Variants in MCUB observed in about 807,000 individuals in gnomAD.
MCUB encodes mitochondrial calcium uniporter dominant negative subunit beta.
Under a neutral mutation model 41.4 loss-of-function variants are expected in MCUB, and 46 were observed. The ratio of observed to expected loss-of-function variants is 1.11; its 90% CI spans 0.88 to 1.42. The LOEUF (loss-of-function observed/expected upper bound fraction) is 1.42, where lower values mean the gene tolerates loss of function less well. Among genes scored for constraint, MCUB ranks in the 40% most tolerant of loss-of-function variants. The pLI is 0.00. For synonymous variants in MCUB, 148 were observed against 148.2 expected (o/e 1.00, Z 0.01); for missense variants, 403 against 404.9 (o/e 1.00, Z 0.04).
chr4:109,659,357 C>T (rs533727067), intron 2 of MCUB, among the ~76,000 whole-genome samples: 109 of 152,122 alleles, frequency 7.2e-4, no homozygotes, highest in Non-Finnish European at 1.4e-3. Context: ...TGGGAAGCCA[C>T]GGCAGGCGGA....
chr4:109,645,468 C>A (rs1031418013), intron 1 of MCUB, among the ~76,000 whole-genome samples: 1 of 151,068 alleles, frequency 6.6e-6, no homozygotes, highest in Non-Finnish European at 1.5e-5. Context: ...AGTCAAATTA[C>A]TTCTAGATTT....
intron 1 of MCUB, among the ~76,000 whole-genome samples, chr4:109,644,170 T>C (rs1002511137): frequency 5.9e-5 from 9 of 152,228 alleles, no homozygotes; most frequent in African/African-American, 2.2e-4. Context: ...TAGTATAGTA[T>C]GTGTATAGTT....
intron 3 of MCUB, among the ~76,000 whole-genome samples, chr4:109,662,362 G>T (rs1005162718): frequency 6.6e-6 from 1 of 152,232 alleles, no homozygotes; most frequent in African/African-American, 2.4e-5. Context: ...AAACCTGGAA[G>T]TCAGAAGGGC....
chr4:109,687,389 G>A, intron 7 of MCUB, 126 bp from the exon 8 acceptor site: 1 of 624,676 alleles, frequency 1.6e-6, no homozygotes, highest in Non-Finnish European at 2.8e-6. Flanking sequence ...TCAGCCATTT[G>A]CCACTAATAG....
intron 4 of MCUB, 55 bp downstream of exon 4, chr4:109,664,449 C>G (rs1222849537): frequency 1.0e-5 from 7 of 668,674 alleles, no homozygotes; most frequent in Admixed American, 2.7e-5. Context: ...TAGATGAATT[C>G]TCACTTGCTC....
chr4:109,568,748 T>C (rs1464170831), intron 1 of MCUB, among the ~76,000 whole-genome samples: 2 of 152,232 alleles, frequency 1.3e-5, no homozygotes, highest in Non-Finnish European at 2.9e-5. Context: ...CTTTCCCACC[T>C]GGATTCTCAG....
intron 1 of MCUB, among the ~76,000 whole-genome samples, chr4:109,637,052 C>T (rs1280173868): frequency 6.6e-6 from 1 of 152,142 alleles, no homozygotes; most frequent in East Asian, 1.9e-4. Flanking sequence ...ATGTCACCAA[C>T]TTGTTCAAGT....
At chr4:109,685,863 C>CT (rs1198787370) in intron 7 of MCUB, among the ~76,000 whole-genome samples, 2 of 152,304 alleles carry the variant, frequency 1.3e-5, no homozygotes, top group South Asian at 2.1e-4. Context: ...TTCTTAAGTA[C>CT]TTTTTCACAG....
intron 1 of MCUB, among the ~76,000 whole-genome samples, chr4:109,567,891 G>T (rs1314763868): frequency 6.6e-6 from 1 of 152,002 alleles, no homozygotes; most frequent in Non-Finnish European, 1.5e-5. Flanking sequence ...TAGAGACAGG[G>T]TTTCACTATA....
At position 109,664,307 on chromosome 4, in the gene MCUB, G is replaced by C; in HGVS notation, c.364G>C (p.Ala122Pro). The part of the protein sequence containing the change: ...IFTADGNMIS[A>P]STLMDILLMN... ...TCTTTCAGATGGCAACATGATTTCA[G>C]CTTCTACCTTGATGGATATTTTGCT... Residue 122 changes from alanine to proline, a missense_variant, in exon 4 of 8, where the codon GCT becomes CCT. Ala to Pro is a conservative substitution (Grantham distance 27, BLOSUM62 -1). Transcript: ENST00000394650. 1 of 1,558,834 alleles carries C rather than the reference G, an allele frequency of 6.4e-7. No homozygotes were observed. Among genetic ancestry groups the C allele is most frequent in the Non-Finnish European group, 8.8e-7 (1 of 1,130,004 alleles).
At chr4:109,625,376 A>G (rs547951981) in intron 1 of MCUB, among the ~76,000 whole-genome samples, 2 of 152,274 alleles carry the variant, frequency 1.3e-5, no homozygotes, top group East Asian at 3.9e-4. Flanking sequence ...TCACCTGTGT[A>G]TGTTACTTAA....
At chr4:109,652,897 C>A (rs1160304291) in intron 1 of MCUB, among the ~76,000 whole-genome samples, 1 of 152,182 alleles carries the variant, frequency 6.6e-6, no homozygotes, top group African/African-American at 2.4e-5. Flanking sequence ...AGGCGCCATT[C>A]TAGGTGCTGG....
intron 1 of MCUB, among the ~76,000 whole-genome samples, chr4:109,594,439 G>A (rs1727508039): frequency 6.6e-6 from 1 of 152,146 alleles, no homozygotes; most frequent in African/African-American, 2.4e-5. Flanking sequence ...CTAGACACTG[G>A]TATTAAAAAC....
Position 109,624,283 on chromosome 4 carries a change from A to G in MCUB, c.100-34728A>G, listed in dbSNP as rs1335964096. Among the ~76,000 whole-genome samples, 5 of 152,322 alleles carry G rather than the reference A, an allele frequency of 3.3e-5. No homozygotes were observed. In the East Asian group the frequency reaches 9.7e-4, roughly 29 times the overall value. On this transcript the variant is annotated intron_variant, in intron 1 of 7. Coordinates refer to ENST00000394650, the MANE Select transcript of MCUB (RefSeq NM_017918.5). Reference sequence around the variant, plus strand: ...CACTCAACTCATGGACCAAGGCACAATAGCTGCATTCAAAGCACACTATGC... The same window carrying G: ...CACTCAACTCATGGACCAAGGCACAGTAGCTGCATTCAAAGCACACTATGC...
chr4:109,625,223 G>C (rs1239997301), intron 1 of MCUB, among the ~76,000 whole-genome samples: 2 of 152,142 alleles, frequency 1.3e-5, no homozygotes, highest in Non-Finnish European at 2.9e-5. Context: ...CCATTAACAA[G>C]TATCGATGCC....
intron 1 of MCUB, among the ~76,000 whole-genome samples, chr4:109,594,159 G>A (rs1254468026): frequency 6.6e-6 from 1 of 152,208 alleles, no homozygotes; most frequent in Non-Finnish European, 1.5e-5. Context: ...AAATTCAGCA[G>A]ATCCTTGAGA....
At chr4:109,591,513 T>A (rs1056217147) in intron 1 of MCUB, among the ~76,000 whole-genome samples, 1 of 151,746 alleles carries the variant, frequency 6.6e-6, no homozygotes, top group Admixed American at 6.6e-5. Context: ...TTGTGTAGAC[T>A]TTGTTGGTTC....
At chr4:109,597,333 C>T in intron 1 of MCUB, among the ~76,000 whole-genome samples, 1 of 151,564 alleles carries the variant, frequency 6.6e-6, no homozygotes, top group Non-Finnish European at 1.5e-5. Flanking sequence ...CCCTCACCTC[C>T]CAGACGGGGC....
chr4:109,656,936 C>T (rs993095956), intron 1 of MCUB, among the ~76,000 whole-genome samples: 2 of 152,086 alleles, frequency 1.3e-5, no homozygotes, highest in African/African-American at 2.4e-5. Flanking sequence ...AAATAATGCT[C>T]AGGCCGGGTG....
Sources: gnomAD v4.1 joint callset for allele counts (sites outside exome capture counted in the v4.1 genomes callset) on GRCh38, gnomAD v4.1.1 for gene constraint, MANE v1.5 for transcripts, NCBI Gene and HGNC (gene_info 2026-07-23, HGNC 2026-07-21) for gene names.